PBX3: variants seen among roughly 807,000 people sequenced by gnomAD.
PBX3 encodes the protein pre-B-cell leukemia transcription factor 3.
Under a neutral mutation model 48.5 loss-of-function variants are expected in PBX3, and 14 were observed. That is an observed-to-expected ratio of 0.29 (90% CI 0.19 to 0.45). The LOEUF is 0.45. Among genes scored for constraint, PBX3 ranks in the 20% least tolerant of loss-of-function variants. The pLI is 1.00. For missense variants in PBX3, 386 were observed against 546.7 expected (o/e 0.71, Z 2.93); for synonymous variants, 210 against 200.3 (o/e 1.05, Z -0.41).
rs1245707280 is a variant in PBX3 at position 125,747,520 on chromosome 9, G to A, written c.67G>A (p.Gly23Arg). 6.3e-7 allele frequency: 1 copy of A among 1,599,856 alleles called. No homozygotes were observed. Among genetic ancestry groups the A allele is most frequent in the Non-Finnish European group, 8.5e-7 (1 of 1,173,850 alleles). ...GAACCTGGCTGGCCACTCGGTGCAG[G>A]GGGGCATGGCCCTGCCGCCTCCCCC... ...GVNLAGHSVQ[G>R]GMALPPPPHG... is the part of the protein sequence containing the mutation. Residue 23 changes from glycine to arginine, a missense_variant, in exon 1 of 9, where the codon GGG becomes AGG. This residue lies in a region of PBX3 where 116 missense variants were observed against 98.2 expected (regional missense o/e 1.18). Transcript: ENST00000373489.
intron 2 of PBX3, among the ~76,000 whole-genome samples, chr9:125,833,389 C>T (rs1839023015): frequency 6.6e-6 from 1 of 151,838 alleles, no homozygotes; most frequent in South Asian, 2.1e-4. Context: ...GAGGCTGAGG[C>T]AGGAGGATCA....
intron 2 of PBX3, among the ~76,000 whole-genome samples, chr9:125,780,173 G>A (rs1200606872): frequency 1.5e-5 from 2 of 137,456 alleles, no homozygotes; most frequent in Non-Finnish European, 3.1e-5. Context: ...CGGACGGGGC[G>A]GCTGGCCGGG....
At chr9:125,844,499 A>G (rs932261882) in intron 2 of PBX3, 2 of 152,116 alleles carry the variant, frequency 1.3e-5, no homozygotes, top group African/African-American at 4.8e-5. Context: ...ATGCTTAAAT[A>G]TTACAGGTGT....
intron 2 of PBX3, among the ~76,000 whole-genome samples, chr9:125,905,370 T>C (rs1282544009): frequency 1.3e-5 from 2 of 152,052 alleles, no homozygotes; most frequent in Non-Finnish European, 2.9e-5. Context: ...ATTGTTCTAA[T>C]GAGGAATACT....
Position 125,966,146 on chromosome 9 carries a change from G to T in PBX3, c.*223G>T. On this transcript the variant is annotated 3_prime_UTR_variant, in exon 9 of 9. Transcript: ENST00000373489. ...AAAATAAAGCACTTTATCCAATTAGGCCAAGATTTAACATTGTTGACAGTC... is the reference window on the plus strand; with the variant it reads ...AAAATAAAGCACTTTATCCAATTAGTCCAAGATTTAACATTGTTGACAGTC... 2 of 402,452 alleles carry T rather than the reference G, an allele frequency of 5.0e-6. No individual in the cohort carries two copies. The highest frequency in any genetic ancestry group is 8.9e-6 in the Non-Finnish European group (2 of 224,390). 24.9% of individuals were successfully genotyped at this position (402,452 alleles called of 1,614,324 possible). A position where few individuals can be genotyped will look rare whatever the true frequency, so the allele number is the denominator to read the frequency against.
At position 125,872,544 on chromosome 9, in the gene PBX3, C is replaced by T. The variant is rs534809787; in HGVS notation, c.275-43142C>T. Reference sequence around the variant, plus strand: ...TTGGGCATAGTGGTTCATGCCTGTCCAGCTGGGAATTCCAGACCAGCCTGG... The same window carrying T: ...TTGGGCATAGTGGTTCATGCCTGTCTAGCTGGGAATTCCAGACCAGCCTGG... On this transcript the variant is annotated intron_variant, in intron 2 of 8. Transcript: ENST00000373489. 1.1e-4 allele frequency among the ~76,000 whole-genome samples: 16 copies of T among 152,122 alleles called. 1 individual carries two copies. In the Middle Eastern group the frequency reaches 0.01, roughly 97 times the overall value.
At chr9:125,871,239 A>G (rs2132320752) in intron 2 of PBX3, among the ~76,000 whole-genome samples, 1 of 152,306 alleles carries the variant, frequency 6.6e-6, no homozygotes, top group Non-Finnish European at 1.5e-5. Context: ...TCTACTAAAA[A>G]TACAAAAATT....
At position 125,902,081 on chromosome 9, in the gene PBX3, T is replaced by G. The variant is rs1840959165; in HGVS notation, c.275-13605T>G. Among the ~76,000 whole-genome samples the G allele has an allele frequency of 2.2e-5, 3 of 139,256 alleles. No individual in the cohort carries two copies. In the South Asian group the frequency reaches 7.2e-4, roughly 34 times the overall value. The allele number at this position is 139,256 out of a possible 152,430, so 91.4% of individuals were successfully genotyped here. On this transcript the variant is annotated intron_variant, in intron 2 of 8. Transcript: ENST00000373489. Reference sequence around the variant, plus strand: ...ATTGTGGAAATAAAACAACTTGTGGTTTTTTTTTTAAGAGAAATGATGGTT... The same window carrying G: ...ATTGTGGAAATAAAACAACTTGTGGGTTTTTTTTTAAGAGAAATGATGGTT...
chr9:125,863,800 C>A (rs940459145), intron 2 of PBX3, among the ~76,000 whole-genome samples: 1 of 152,074 alleles, frequency 6.6e-6, no homozygotes, highest in South Asian at 2.1e-4. Flanking sequence ...TAGCTTTGCC[C>A]CGTGTTTTTA....
intron 5 of PBX3, among the ~76,000 whole-genome samples, chr9:125,959,066 A>C (rs1842369898): frequency 6.6e-6 from 1 of 152,214 alleles, no homozygotes; most frequent in Non-Finnish European, 1.5e-5. Flanking sequence ...TGGATTTGGG[A>C]CTGGTGTCAT....
intron 5 of PBX3, among the ~76,000 whole-genome samples, chr9:125,941,318 A>G (rs1367718824): frequency 1.3e-5 from 2 of 152,314 alleles, no homozygotes; most frequent in South Asian, 2.1e-4. Flanking sequence ...TGGGGACCAA[A>G]TAAATGGTTC....
chr9:125,899,299 A>G (rs1306481473), intron 2 of PBX3, among the ~76,000 whole-genome samples: 2 of 62,892 alleles, frequency 3.2e-5, no homozygotes, highest in South Asian at 5.4e-4. Context: ...TTATATATAA[A>G]TATACATATA....
At chr9:125,804,914 T>TGAGATCATG (rs746918368) in intron 2 of PBX3, among the ~76,000 whole-genome samples, 75,033 of 145,974 alleles carry the variant, frequency 0.51, 21,046 homozygotes, top group South Asian at 0.62. Flanking sequence ...GCCACTGCAC[T>TGAGATCATG]CCAGCCTGGG....
Position 125,934,220 on chromosome 9 carries a change from C to T in PBX3, c.708-1252C>T, listed in dbSNP as rs1321953153. ...ACCTAGATTTCTTGCTCCCTTGACT[C>T]TCCCTTAATGTTGAAATGTAGATCA... On this transcript the variant is annotated intron_variant, in intron 4 of 8. Coordinates refer to ENST00000373489, the MANE Select transcript of PBX3 (RefSeq NM_006195.6). Among the ~76,000 whole-genome samples, 3 of 152,140 alleles carry T rather than the reference C, an allele frequency of 2.0e-5. No homozygotes were observed. In the East Asian group the frequency reaches 5.8e-4, roughly 29 times the overall value.
chr9:125,846,514 T>A (rs889590925), intron 2 of PBX3, among the ~76,000 whole-genome samples: 21 of 152,140 alleles, frequency 1.4e-4, no homozygotes, highest in African/African-American at 4.8e-4. Flanking sequence ...TGCAATATTC[T>A]CCCCACCTCC....
intron 2 of PBX3, among the ~76,000 whole-genome samples, chr9:125,873,319 C>T (rs910970701): frequency 2.0e-5 from 3 of 152,108 alleles, no homozygotes; most frequent in Non-Finnish European, 2.9e-5. Context: ...TGTAAATATA[C>T]GGAAAAATTT....
chr9:125,811,264 G>A (rs191122902), intron 2 of PBX3, among the ~76,000 whole-genome samples: 2 of 152,288 alleles, frequency 1.3e-5, no homozygotes, highest in Non-Finnish European at 2.9e-5. Context: ...AGACTGGGTG[G>A]CTTAAATAAT....
chr9:125,935,627 T>C lies in PBX3; in HGVS notation c.843+20T>C, dbSNP rs1269452619. 1 of 1,606,926 alleles carries C rather than the reference T, an allele frequency of 6.2e-7. No individual in the cohort carries two copies. The highest frequency in any genetic ancestry group is 1.3e-5 in the African/African-American group (1 of 74,620). ...TCACAGGTGAGAAAGGACCCATGGGTCTGTCTTGTTCCCTGTGGAGACAGG... is the reference window on the plus strand; with the variant it reads ...TCACAGGTGAGAAAGGACCCATGGGCCTGTCTTGTTCCCTGTGGAGACAGG... On this transcript the variant is annotated intron_variant, in intron 5 of 8. Transcript: ENST00000373489.
At chr9:125,786,149 A>G (rs1322947264) in intron 2 of PBX3, among the ~76,000 whole-genome samples, 1 of 152,234 alleles carries the variant, frequency 6.6e-6, no homozygotes, top group Non-Finnish European at 1.5e-5. Flanking sequence ...AGTTTGAGGT[A>G]CTATGAGAAG....
Sources: gnomAD v4.1 joint callset for allele counts (sites outside exome capture counted in the v4.1 genomes callset) on GRCh38, gnomAD v4.1.1 for gene constraint, gnomAD v4.1.1 regional missense constraint, MANE v1.5 for transcripts, NCBI Gene and HGNC (gene_info 2026-07-23, HGNC 2026-07-21) for gene names.